ADGRL2: variants seen among roughly 807,000 people sequenced by gnomAD.
The protein encoded by ADGRL2 is calcium-independent alpha-latrotoxin receptor 2.
A neutral mutation model predicts 157.4 loss-of-function variants in ADGRL2; 44 were observed. That is an observed-to-expected ratio of 0.28 (90% CI 0.22 to 0.36). The LOEUF is 0.36. Ranked by LOEUF, ADGRL2 falls within the 10% of genes least tolerant of loss-of-function variation. The pLI, the probability that ADGRL2 is intolerant of heterozygous loss-of-function variation, is 1.00. For synonymous variants in ADGRL2, 585 were observed against 624.7 expected, an observed-to-expected ratio of 0.94 and a Z score of 0.95; for missense variants, 1,510 against 1,768.9, an observed-to-expected ratio of 0.85 and a Z score of 2.63.
At chr1:81,822,970 C>T (rs2091130569) in intron 1 of ADGRL2, among the ~76,000 whole-genome samples, 1 of 151,712 alleles carries the variant, frequency 6.6e-6, no homozygotes. Flanking sequence ...GTATGTCAAA[C>T]AATGATAAAT....
At chr1:81,427,587 G>A in intron 1 of ADGRL2, 1 of 728,188 alleles carries the variant, frequency 1.4e-6, no homozygotes, top group South Asian at 1.4e-5. Context: ...GATGGACATG[G>A]TGGATATAGG....
intron 1 of ADGRL2, among the ~76,000 whole-genome samples, chr1:81,714,276 T>C (rs2149092497): frequency 6.6e-6 from 1 of 152,304 alleles, no homozygotes; most frequent in African/African-American, 2.4e-5. Flanking sequence ...GTGGATACTA[T>C]TAATAATTGT....
chr1:81,638,958 C>T (rs1311455967), intron 3 of ADGRL2, among the ~76,000 whole-genome samples: 1 of 152,178 alleles, frequency 6.6e-6, no homozygotes, highest in Non-Finnish European at 1.5e-5. Flanking sequence ...GAGCCGTGAT[C>T]ACCCACTGCG....
At chr1:81,663,114 G>A (rs898764142) in intron 3 of ADGRL2, among the ~76,000 whole-genome samples, 3 of 149,178 alleles carry the variant, frequency 2.0e-5, no homozygotes, top group South Asian at 2.2e-4. Context: ...CACAGGGAGG[G>A]ACTCTGGAAT....
chr1:81,931,192 C>T (rs990501905), intron 3 of ADGRL2, among the ~76,000 whole-genome samples: 1 of 152,012 alleles, frequency 6.6e-6, no homozygotes, highest in African/African-American at 2.4e-5. Flanking sequence ...TGTTTTGTCC[C>T]ATTTAAACTA....
chr1:81,492,879 A>G (rs1323522131), intron 2 of ADGRL2, among the ~76,000 whole-genome samples: 2 of 152,184 alleles, frequency 1.3e-5, no homozygotes, highest in African/African-American at 4.8e-5. Flanking sequence ...CTATCCAGAA[A>G]CATAACAGGA....
chr1:81,458,124 A>G (rs571170486), intron 2 of ADGRL2, among the ~76,000 whole-genome samples: 13 of 152,306 alleles, frequency 8.5e-5, no homozygotes, highest in African/African-American at 1.4e-4. Flanking sequence ...CAAATTGACA[A>G]ACTCAGTAGT....
chr1:81,501,781 TCAG>T (rs111927236), intron 2 of ADGRL2: 460 of 1,490,434 alleles, frequency 3.1e-4, no homozygotes, highest in Admixed American at 6.5e-4. Flanking sequence ...TGGAGCCACT[TCAG>T]CAGCAGCAGC....
Position 81,608,600 on chromosome 1 carries a change from AAG to A in ADGRL2, c.-143+27623_-143+27624del, listed in dbSNP as rs1346211638. 2.6e-5 allele frequency among the ~76,000 whole-genome samples: 4 copies of A among 152,286 alleles called. No homozygotes were observed. The South Asian group carries it at 8.3e-4, about 32-fold the overall frequency. ...ATGCTGATTGTGGATATTTAAGAGA[AAG>A]AGGTTTAAGTATCCCTTACTCATCT... On this transcript the variant is annotated intron_variant, in intron 3 of 24. Coordinates refer to the ADGRL2 transcript ENST00000370721.
chr1:81,895,881 GT>G (rs2094376882), intron 2 of ADGRL2, among the ~76,000 whole-genome samples: 2 of 152,200 alleles, frequency 1.3e-5, no homozygotes, highest in South Asian at 4.1e-4. Context: ...ACCCTAATGA[GT>G]TTTAGCATCA....
At chr1:81,568,272 T>C (rs1302642125) in intron 2 of ADGRL2, among the ~76,000 whole-genome samples, 1 of 152,144 alleles carries the variant, frequency 6.6e-6, no homozygotes, top group Non-Finnish European at 1.5e-5. Context: ...TGTTCTCTTT[T>C]GCTAAAGTCA....
intron 2 of ADGRL2, among the ~76,000 whole-genome samples, chr1:81,563,388 G>A (rs1169156996): frequency 6.6e-6 from 1 of 152,046 alleles, no homozygotes; most frequent in African/African-American, 2.4e-5. Context: ...TAAGGGATAG[G>A]CCAACATTTG....
At chr1:81,651,735 G>C (rs1412993870) in intron 3 of ADGRL2, among the ~76,000 whole-genome samples, 1 of 152,090 alleles carries the variant, frequency 6.6e-6, no homozygotes, top group Non-Finnish European at 1.5e-5. Context: ...TTGTTTGTTT[G>C]TTTGTGTTTG....
chr1:81,714,893 G>C (rs1028204169), intron 1 of ADGRL2, among the ~76,000 whole-genome samples: 6 of 151,130 alleles, frequency 4.0e-5, no homozygotes, highest in Non-Finnish European at 7.4e-5. Flanking sequence ...TCTACTCAAT[G>C]TATCATAGGT....
chr1:81,720,293 C>T (rs1024189925), intron 1 of ADGRL2, among the ~76,000 whole-genome samples: 4 of 151,288 alleles, frequency 2.6e-5, no homozygotes, highest in Non-Finnish European at 4.4e-5. Context: ...AGTGATTCTC[C>T]AGCCTCCCGA....
intron 3 of ADGRL2, among the ~76,000 whole-genome samples, chr1:81,654,263 G>A (rs1238685647): frequency 6.6e-6 from 1 of 152,094 alleles, no homozygotes; most frequent in Non-Finnish European, 1.5e-5. Context: ...CTTTCTTGAT[G>A]CCTTTGTTTC....
intron 2 of ADGRL2, among the ~76,000 whole-genome samples, chr1:81,465,858 G>T (rs10874244): frequency 0.96 from 145,863 of 152,326 alleles, 70,133 homozygotes; most frequent in East Asian, 1. Context: ...CCTGCAGAGA[G>T]CCATCGTTTT....
intron 16 of ADGRL2, among the ~76,000 whole-genome samples, chr1:81,970,774 C>G (rs1406951473): frequency 1.3e-5 from 2 of 152,066 alleles, no homozygotes; most frequent in Non-Finnish European, 2.9e-5. Flanking sequence ...AAAGATTGAC[C>G]TGAAACAAAT....
At chr1:81,839,955 A>ATATATATATATAATATATAT (rs1164786609) in intron 2 of ADGRL2, among the ~76,000 whole-genome samples, 1 of 110,080 alleles carries the variant, frequency 9.1e-6, no homozygotes. Context: ...TATATATATA[A>ATATATATATATAATATATAT]ATACACACAA....
Sources: allele counts gnomAD v4.1 joint callset (sites outside exome capture counted in the v4.1 genomes callset), GRCh38; gene constraint gnomAD v4.1.1; transcripts MANE v1.5; gene names NCBI Gene and HGNC (gene_info 2026-07-23, HGNC 2026-07-21).